PPIC: variants seen among roughly 807,000 people sequenced by gnomAD.
PPIC encodes the protein peptidylprolyl isomerase C, also known as peptidyl-prolyl cis-trans isomerase C.
In PPIC, 19 loss-of-function variants were observed where a neutral mutation model predicts 19.5. The observed-to-expected ratio is 0.98, with a 90% CI of 0.68 to 1.43. The LOEUF is 1.43. Ranked by LOEUF, PPIC falls within the 40% of genes most tolerant of loss-of-function variation. PPIC has a pLI of 0.00. For missense variants in PPIC, 268 were observed against 268.6 expected, an observed-to-expected ratio of 1.00 and a Z score of 0.02; for synonymous variants, 107 against 101.2, an observed-to-expected ratio of 1.06 and a Z score of -0.34.
At position 123,036,251 on chromosome 5, in the gene PPIC, C is replaced by G. The variant is rs1455873963; in HGVS notation, c.117+258G>C. 1.9e-6 allele frequency: 1 copy of G among 524,220 alleles called. No homozygotes were observed. The highest frequency in any genetic ancestry group is 3.4e-6 in the Non-Finnish European group (1 of 292,642). The allele number at this position is 524,220 out of a possible 1,614,324, so 32.5% of individuals were successfully genotyped here. ...CCCCAGGCTGGTCACCTCGGACTAC[C>G]GACCCGGGACAAGAAGTCCAAGCAG... On this transcript the variant is annotated intron_variant, in intron 1 of 4. Coordinates refer to ENST00000306442, the MANE Select transcript of PPIC (RefSeq NM_000943.5). This position sits in a 1 kb window ranked among gnomAD's most constrained non-coding sequence, Gnocchi z 4.5.
intron 1 of PPIC, among the ~76,000 whole-genome samples, chr5:123,032,946 T>C (rs2150190588): frequency 6.6e-6 from 1 of 151,946 alleles, no homozygotes; most frequent in Non-Finnish European, 1.5e-5. Context: ...TGGGAGGAGG[T>C]AGAGGAAGAG....
In PPIC at chr5:123,023,804, CACA is replaced by C; in HGVS notation, c.*68_*70del. The stretch of plus-strand genomic sequence containing the variant: ...AAAAAAGCAAATAATTGAAAGACAA[CACA>C]ACACACACACACACACACACACACA... On this transcript the variant is annotated 3_prime_UTR_variant, in exon 5 of 5. Transcript: ENST00000306442. The C allele has an allele frequency of 8.2e-7, 1 of 1,221,912 alleles. No homozygotes were observed. 75.7% of individuals were successfully genotyped at this position (1,221,912 alleles called of 1,614,324 possible).
rs1262317189 is a variant in PPIC, at chr5:123,036,651, G to A, written c.-26C>T. On this transcript the variant is annotated 5_prime_UTR_variant, in exon 1 of 5. Transcript: ENST00000306442. The surrounding 1 kb of genome is among the most constrained non-coding windows in gnomAD (Gnocchi z 4.5). ...GGTGAGCGGTGGCAGCGGCGCTACC[G>A]GCACGGGCGCTACCGGCACGGGCGC... is the stretch of plus-strand genomic sequence containing the variant. 6 of 1,546,906 alleles carry A rather than the reference G, an allele frequency of 3.9e-6. No homozygotes were observed. Among genetic ancestry groups the A allele is most frequent in the East Asian group, 2.4e-5 (1 of 42,116 alleles).
chr5:123,031,652 A>G (rs10076327), intron 1 of PPIC, among the ~76,000 whole-genome samples: 122,163 of 152,144 alleles, frequency 0.8, 50,017 homozygotes, highest in East Asian at 0.99. Context: ...ACAAAGAATA[A>G]GGTCAAGCGA....
In PPIC at chr5:123,023,845, A is replaced by G; in HGVS notation, c.*30T>C. ...ACACACACACACACACACCCCTGCCAAAGCATATCCTTGTTTTCTGCCAGT... is the reference window on the plus strand; with the variant it reads ...ACACACACACACACACACCCCTGCCGAAGCATATCCTTGTTTTCTGCCAGT... On this transcript the variant is annotated 3_prime_UTR_variant, in exon 5 of 5. Coordinates refer to ENST00000306442, the MANE Select transcript of PPIC (RefSeq NM_000943.5). 1 of 1,483,528 alleles carries G rather than the reference A, an allele frequency of 6.7e-7. No homozygotes were observed. The allele number at this position is 1,483,528 out of a possible 1,614,324, so 91.9% of individuals were successfully genotyped here. A position where few individuals can be genotyped will look rare whatever the true frequency, so the allele number is the denominator to read the frequency against.
Position 123,029,305 on chromosome 5 carries a change from C to A in PPIC, c.231G>T (p.Glu77Asp). The A allele has an allele frequency of 6.2e-7, 1 of 1,614,036 alleles. No homozygotes were observed. Among genetic ancestry groups the A allele is most frequent in the Non-Finnish European group, 8.5e-7 (1 of 1,179,978 alleles). The change falls in exon 2 of 5, where the codon GAG becomes GAT. Residue 77 changes from glutamate (E) to aspartate (D), a missense_variant and splice_region_variant. Transcript: ENST00000306442. ...VENFVALATG[E>D]KGYGYKGSKF... is the part of the protein sequence containing the mutation. ...TAAAGGAAATAAAATTGAGACATAC[C>A]TCTCCTGTTGCTAGAGCAACAAAAT...
chr5:123,025,070 A>G (rs1343820659), intron 4 of PPIC, among the ~76,000 whole-genome samples: 1 of 152,200 alleles, frequency 6.6e-6, no homozygotes, highest in East Asian at 1.9e-4. Context: ...TGTGAATGTG[A>G]CCTAGGTGTC....
At chr5:123,024,171 A>C (rs1762816086) in intron 4 of PPIC, among the ~76,000 whole-genome samples, 168 bp from the exon 5 acceptor site, 1 of 151,960 alleles carries the variant, frequency 6.6e-6, no homozygotes, top group African/African-American at 2.4e-5. Context: ...TAACTGTGGA[A>C]AACTTAGAAT....
In PPIC at chr5:123,023,848, G is replaced by A; in HGVS notation, c.*27C>T. On this transcript the variant is annotated 3_prime_UTR_variant, in exon 5 of 5. Coordinates refer to ENST00000306442, the MANE Select transcript of PPIC (RefSeq NM_000943.5). Reference sequence around the variant, plus strand: ...CACACACACACACACCCCTGCCAAAGCATATCCTTGTTTTCTGCCAGTTGT... The same window carrying A: ...CACACACACACACACCCCTGCCAAAACATATCCTTGTTTTCTGCCAGTTGT... 1 of 1,521,036 alleles carries A rather than the reference G, an allele frequency of 6.6e-7. No homozygotes were observed. The highest frequency in any genetic ancestry group is 9.0e-7 in the Non-Finnish European group (1 of 1,114,560). 94.2% of individuals were successfully genotyped at this position (1,521,036 alleles called of 1,614,324 possible).
chr5:123,036,584 G>A lies in PPIC; in HGVS notation c.42C>T (p.Cys14=). ...AAAACACAAGTGCGCCGAGCCCCAC[G>A]CAAAGCACGAGAGGTAGCAGCAGCC... ...GPRLLLPLVL[C]VGLGALVFSS... is the part of the protein sequence containing the mutation. The change falls in exon 1 of 5, where the codon TGC becomes TGT. Residue 14 remains cysteine, a synonymous_variant. Coordinates refer to ENST00000306442, the MANE Select transcript of PPIC (RefSeq NM_000943.5). The surrounding 1 kb of genome is among the most constrained non-coding windows in gnomAD (Gnocchi z 4.5). 2 of 1,598,624 alleles carry A rather than the reference G, an allele frequency of 1.3e-6. No homozygotes were observed. Among genetic ancestry groups the A allele is most frequent in the Non-Finnish European group, 1.7e-6 (2 of 1,174,074 alleles).
chr5:123,024,108 AGGTT>A (rs1184262514), intron 4 of PPIC, 105 bp from the exon 5 acceptor site: 25 of 1,418,248 alleles, frequency 1.8e-5, no homozygotes, highest in East Asian at 7.1e-5. Context: ...GAAGGAAATA[AGGTT>A]GGTTGGTTGG....
rs760510901 is a variant in PPIC at position 123,036,525 on chromosome 5, G to T, written c.101C>A (p.Pro34His). The part of the protein sequence containing the change: ...SGAEGFRKRG[P>H]SVTAKVFFDV... The stretch of plus-strand genomic sequence containing the variant: ...CTCGGTCACCTTGGCCGTCACCGAG[G>T]GGCCTCGCTTGCGGAAGCCCTCGGC... Residue 34 changes from proline (P) to histidine (H), a missense_variant, in exon 1 of 5, where the codon CCC (proline) becomes CAC (histidine). Transcript: ENST00000306442. This position sits in a 1 kb window ranked among gnomAD's most constrained non-coding sequence, Gnocchi z 4.5. 6.2e-7 allele frequency: 1 copy of T among 1,606,810 alleles called. No homozygotes were observed. Among genetic ancestry groups the T allele is most frequent in the African/African-American group, 1.3e-5 (1 of 74,956 alleles).
At chr5:123,025,996 C>T (rs374975681) in intron 3 of PPIC, 28 bp from the exon 4 acceptor site, 7 of 1,557,486 alleles carry the variant, frequency 4.5e-6, no homozygotes, top group African/African-American at 2.8e-5. Flanking sequence ...AGAAAGTCAA[C>T]AGATGTCTTC....
At chr5:123,035,661 A>G (rs1313177617) in intron 1 of PPIC, among the ~76,000 whole-genome samples, 2 of 151,998 alleles carry the variant, frequency 1.3e-5, no homozygotes, top group African/African-American at 2.4e-5. Context: ...CTTCGAAGAC[A>G]CTATTGCCAG....
At chr5:123,024,951 G>C (rs1762830262) in intron 4 of PPIC, among the ~76,000 whole-genome samples, 1 of 152,110 alleles carries the variant, frequency 6.6e-6, no homozygotes, top group South Asian at 2.1e-4. Flanking sequence ...AAGGGAATGA[G>C]GGTTTTAAGA....
intron 3 of PPIC, among the ~76,000 whole-genome samples, chr5:123,026,654 C>G (rs1263352144): frequency 6.6e-6 from 1 of 152,162 alleles, no homozygotes; most frequent in Non-Finnish European, 1.5e-5. Flanking sequence ...CTTCAGGACC[C>G]ATCAGGACAC....
intron 1 of PPIC, among the ~76,000 whole-genome samples, chr5:123,031,618 G>A (rs1762943014): frequency 6.6e-6 from 1 of 152,168 alleles, no homozygotes; most frequent in Non-Finnish European, 1.5e-5. Context: ...GTAAGCATGA[G>A]TTTTGTTAGG....
intron 3 of PPIC, among the ~76,000 whole-genome samples, chr5:123,026,169 A>G (rs1166287069): frequency 6.6e-6 from 1 of 152,322 alleles, no homozygotes; most frequent in Non-Finnish European, 1.5e-5. Context: ...CCTAAAATGA[A>G]CAAAGAAAGC....
In PPIC at chr5:123,023,924, C is replaced by A; in HGVS notation, c.590G>T (p.Gly197Val). The change falls in exon 5 of 5, where the codon GGC (glycine) becomes GTC (valine). Residue 197 changes from glycine to valine, a missense_variant. Transcript: ENST00000306442. The part of the protein sequence containing the change: ...PLTNCSIINS[G>V]KIDVKTPFVV... Reference sequence around the variant, plus strand: ...AAAAGGCGTTTTCACGTCTATCTTGCCACTGTTGATGATCGAGCAGTTGGT... The same window carrying A: ...AAAAGGCGTTTTCACGTCTATCTTGACACTGTTGATGATCGAGCAGTTGGT... 6.2e-7 allele frequency: 1 copy of A among 1,614,036 alleles called. No individual in the cohort carries two copies. The highest frequency in any genetic ancestry group is 8.5e-7 in the Non-Finnish European group (1 of 1,179,994).
Sources: allele counts gnomAD v4.1 joint callset (sites outside exome capture counted in the v4.1 genomes callset), GRCh38; gene constraint gnomAD v4.1.1; non-coding constraint Gnocchi (gnomAD v3.1); transcripts MANE v1.5; gene names NCBI Gene and HGNC (gene_info 2026-07-23, HGNC 2026-07-21).